SEC24D: variants seen among roughly 807,000 people sequenced by gnomAD.
SEC24D encodes the protein SEC24 homolog D, COPII component.
Under a neutral mutation model 116.9 loss-of-function variants are expected in SEC24D, and 69 were observed. That is an observed-to-expected ratio of 0.59 (90% confidence interval 0.49 to 0.72). SEC24D has a LOEUF of 0.72. Among genes scored for constraint, SEC24D ranks in the 30% least tolerant of loss-of-function variants. SEC24D has a pLI of 0.00. For synonymous variants in SEC24D, 405 were observed against 442.8 expected, an observed-to-expected ratio of 0.91 and a Z score of 1.07; for missense variants, 1,131 against 1,264.1, an observed-to-expected ratio of 0.89 and a Z score of 1.60.
chr4:118,771,379 TA>T (rs1294744327), intron 8 of SEC24D, among the ~76,000 whole-genome samples: 1 of 152,190 alleles, frequency 6.6e-6, no homozygotes, highest in African/African-American at 2.4e-5. Context: ...AGACTGGCTA[TA>T]AAAACCTCAC....
chr4:118,801,379 C>G (rs1729437972), intron 7 of SEC24D, among the ~76,000 whole-genome samples: 1 of 151,892 alleles, frequency 6.6e-6, no homozygotes, highest in African/African-American at 2.4e-5. Flanking sequence ...AGAATACAGA[C>G]AGGTAAACTG....
In SEC24D at chr4:118,738,393, C is replaced by A. The variant is rs1553922528; in HGVS notation, c.2378-14G>T. 1.3e-6 allele frequency: 2 copies of A among 1,541,596 alleles called. No individual in the cohort carries two copies. Among genetic ancestry groups the A allele is most frequent in the Non-Finnish European group, 1.8e-6 (2 of 1,114,360 alleles). The stretch of plus-strand genomic sequence containing the variant: ...CTGCTTTAAAAGCTACATCACAAAA[C>A]AATGAAAAGGACATGAGTTTTAGCT... On this transcript the variant is annotated splice_polypyrimidine_tract_variant and intron_variant, in intron 18 of 22. Coordinates refer to ENST00000280551, the MANE Select transcript of SEC24D (RefSeq NM_014822.4).
intron 10 of SEC24D, among the ~76,000 whole-genome samples, chr4:118,759,090 A>G (rs762965729): frequency 9.2e-5 from 14 of 152,212 alleles, no homozygotes; most frequent in African/African-American, 2.4e-4. Context: ...AGCATTACCA[A>G]TTCCTCATGG....
chr4:118,835,328 A>C (rs1160763971), intron 1 of SEC24D, among the ~76,000 whole-genome samples: 2 of 152,172 alleles, frequency 1.3e-5, no homozygotes, highest in Non-Finnish European at 2.9e-5. Flanking sequence ...CCTCACACAG[A>C]GCACCAAGTT....
At position 118,833,587 on chromosome 4, in the gene SEC24D, G is replaced by A; in HGVS notation, c.110C>T (p.Ser37Phe). Residue 37 changes from serine (S) to phenylalanine (F), a missense_variant, in exon 2 of 23, where the codon TCT becomes TTT. By Grantham distance (155) the Ser-to-Phe change is radical. Transcript: ENST00000280551. ...GHYGDPSHTA[S>F]PTGMMKPAGP... ...AAAATAACACACTGTACCTGTTGGA[G>A]ATGCTGTGTGCGACGGATCCCCATA... 6.2e-7 allele frequency: 1 copy of A among 1,607,440 alleles called. No individual in the cohort carries two copies. Among genetic ancestry groups the A allele is most frequent in the Non-Finnish European group, 8.5e-7 (1 of 1,174,232 alleles).
intron 9 of SEC24D, among the ~76,000 whole-genome samples, chr4:118,767,407 C>G (rs1315463392): frequency 6.6e-6 from 1 of 152,130 alleles, no homozygotes; most frequent in Admixed American, 6.5e-5. Flanking sequence ...TAATTACCTG[C>G]AGGGAAGCCT....
intron 8 of SEC24D, among the ~76,000 whole-genome samples, chr4:118,778,500 G>T (rs936072781): frequency 1.3e-5 from 2 of 152,172 alleles, no homozygotes; most frequent in African/African-American, 4.8e-5. Context: ...CGCTGATTTG[G>T]TTACTGCAGC....
intron 7 of SEC24D, 38 bp from the exon 8 acceptor site, chr4:118,797,848 G>T: frequency 1.3e-6 from 2 of 1,510,210 alleles, no homozygotes; most frequent in Non-Finnish European, 1.8e-6. Context: ...AACTTGTTTA[G>T]AAAAAAACCT....
At position 118,810,149 on chromosome 4, in the gene SEC24D, G is replaced by C. The variant is rs996633966; in HGVS notation, c.802-4195C>G. Among the ~76,000 whole-genome samples, 11 of 112,426 alleles carry C rather than the reference G, an allele frequency of 9.8e-5. 1 individual carries two copies. In the South Asian group the frequency reaches 2.7e-3, roughly 28 times the overall value. The allele number at this position is 112,426 out of a possible 152,430, so 73.8% of individuals were successfully genotyped here. ...GTGTGTGTGTGTGTCAGAGGGTATA[G>C]GGGAGCCAGGGGTGGCAAATAATGT... On this transcript the variant is annotated intron_variant, in intron 6 of 22. Coordinates refer to ENST00000280551, the MANE Select transcript of SEC24D (RefSeq NM_014822.4).
chr4:118,746,960 C>G (rs1271917472), intron 13 of SEC24D, among the ~76,000 whole-genome samples: 5 of 151,988 alleles, frequency 3.3e-5, no homozygotes, highest in Admixed American at 6.6e-5. Flanking sequence ...CTTGTCTCTG[C>G]TATGGCCAGT....
intron 3 of SEC24D, among the ~76,000 whole-genome samples, chr4:118,822,539 T>TA (rs1489416772): frequency 5.9e-5 from 9 of 152,090 alleles, no homozygotes; most frequent in African/African-American, 1.2e-4. Context: ...TCTTTCTTTT[T>TA]AAAAAAAATA....
chr4:118,736,891 A>G (rs1255636936), intron 19 of SEC24D, among the ~76,000 whole-genome samples: 2 of 152,214 alleles, frequency 1.3e-5, no homozygotes, highest in South Asian at 2.1e-4. Context: ...TGGTAGAGGC[A>G]ATGCTTTTAA....
chr4:118,793,635 C>G (rs1729048018), intron 8 of SEC24D, among the ~76,000 whole-genome samples: 1 of 152,168 alleles, frequency 6.6e-6, no homozygotes, highest in Non-Finnish European at 1.5e-5. Context: ...TGGGCACATG[C>G]CCCTGAGGAA....
intron 8 of SEC24D, among the ~76,000 whole-genome samples, chr4:118,768,592 G>A (rs955204038): frequency 3.9e-5 from 6 of 152,080 alleles, no homozygotes; most frequent in Admixed American, 6.5e-5. Flanking sequence ...ACGAGGTTTC[G>A]CCATGTTGGC....
At chr4:118,724,927 A>G (rs1725330493) in intron 22 of SEC24D, among the ~76,000 whole-genome samples, 1 of 152,182 alleles carries the variant, frequency 6.6e-6, no homozygotes, top group African/African-American at 2.4e-5. Flanking sequence ...ATAGGGAAAC[A>G]CATGCAGTTA....
intron 8 of SEC24D, among the ~76,000 whole-genome samples, chr4:118,775,618 T>C (rs536119312): frequency 5.3e-5 from 8 of 152,220 alleles, no homozygotes; most frequent in African/African-American, 1.9e-4. Context: ...AGTAGTATAC[T>C]GACTCAGCAG....
At chr4:118,782,729 G>C (rs1214531280) in intron 8 of SEC24D, among the ~76,000 whole-genome samples, 1 of 152,232 alleles carries the variant, frequency 6.6e-6, no homozygotes, top group Non-Finnish European at 1.5e-5. Context: ...GAGGCAGCAG[G>C]CCTTGCTGAG....
intron 2 of SEC24D, among the ~76,000 whole-genome samples, 182 bp from the exon 3 acceptor site, chr4:118,824,931 T>C (rs1578478656): frequency 2.0e-5 from 3 of 152,226 alleles, no homozygotes; most frequent in East Asian, 3.8e-4. Flanking sequence ...GCATGAGTAT[T>C]TGACTATCAT....
intron 8 of SEC24D, among the ~76,000 whole-genome samples, chr4:118,772,177 T>C (rs1206171980): frequency 2.6e-4 from 39 of 152,184 alleles, no homozygotes; most frequent in Admixed American, 2.6e-3. Context: ...GGCTACAGTA[T>C]TTCTGTTTTA....
Sources: allele counts gnomAD v4.1 joint callset (sites outside exome capture counted in the v4.1 genomes callset), GRCh38; gene constraint gnomAD v4.1.1; transcripts MANE v1.5; gene names NCBI Gene and HGNC (gene_info 2026-07-23, HGNC 2026-07-21).